Variants in NCKAP5 observed in about 807,000 individuals in gnomAD.
NCKAP5 encodes NCK associated protein 5.
In NCKAP5, 92 loss-of-function variants were observed where a neutral mutation model predicts 167.0. The ratio of observed to expected loss-of-function variants is 0.55; its 90% CI spans 0.47 to 0.66. NCKAP5 has a LOEUF of 0.66. NCKAP5 is among the 30% of genes least tolerant of loss of function. NCKAP5 has a pLI of 0.00. For missense variants in NCKAP5, 2,378 were observed against 2,315.0 expected (o/e 1.03, Z -0.56); for synonymous variants, 891 against 877.4 (o/e 1.02, Z -0.27).
chr2:132,756,583 A>T (rs1451863131), intron 16 of NCKAP5, among the ~76,000 whole-genome samples: 1 of 152,186 alleles, frequency 6.6e-6, no homozygotes, highest in Non-Finnish European at 1.5e-5. Context: ...GACTCAATTA[A>T]AACCCAGAAA....
chr2:133,000,056 A>G (rs544594530), intron 6 of NCKAP5, among the ~76,000 whole-genome samples: 2 of 152,306 alleles, frequency 1.3e-5, no homozygotes, highest in Admixed American at 1.3e-4. Context: ...GAAATTAACC[A>G]TGAAATTATT....
the NCKAP5 span, among the ~76,000 whole-genome samples, chr2:133,584,237 T>TA: frequency 2.6e-5 from 4 of 152,186 alleles, no homozygotes; most frequent in Non-Finnish European, 4.4e-5. Flanking sequence ...AATTTATTGC[T>TA]AAAAAATATT....
chr2:133,622,561 A>G, the NCKAP5 span, among the ~76,000 whole-genome samples: 24 of 151,958 alleles, frequency 1.6e-4, no homozygotes, highest in African/African-American at 5.8e-4. Context: ...AAACAAAAAC[A>G]AAAAGAAAAA....
the NCKAP5 span, among the ~76,000 whole-genome samples, chr2:133,580,389 G>A: frequency 6.6e-6 from 1 of 152,180 alleles, no homozygotes; most frequent in Non-Finnish European, 1.5e-5. Context: ...GTATTATTCA[G>A]ATGGCTGTGG....
chr2:132,771,592 C>T (rs1286615515), intron 16 of NCKAP5, among the ~76,000 whole-genome samples: 1 of 151,994 alleles, frequency 6.6e-6, no homozygotes, highest in Admixed American at 6.6e-5. Flanking sequence ...ATTCACTCAC[C>T]ACTCACTAAC....
chr2:133,511,569 G>A (rs1683497782), intron 3 of NCKAP5, among the ~76,000 whole-genome samples: 1 of 152,168 alleles, frequency 6.6e-6, no homozygotes, highest in Non-Finnish European at 1.5e-5. Flanking sequence ...TTTTGGAAAG[G>A]TTGCTAAACC....
chr2:132,989,222 A>G (rs1467747029), intron 7 of NCKAP5, among the ~76,000 whole-genome samples: 3 of 152,222 alleles, frequency 2.0e-5, no homozygotes, highest in Non-Finnish European at 2.9e-5. Flanking sequence ...ATTTTGGCAG[A>G]TGAATGTGAT....
intron 6 of NCKAP5, chr2:133,123,663 G>A (rs2082316800): frequency 2.4e-6 from 1 of 409,992 alleles, no homozygotes; most frequent in Non-Finnish European, 5.2e-6. Flanking sequence ...ACTCAGGAGA[G>A]CCAGCCTCTG....
intron 4 of NCKAP5, among the ~76,000 whole-genome samples, chr2:133,284,318 T>A (rs1012268107): frequency 6.6e-6 from 1 of 152,142 alleles, no homozygotes; most frequent in Non-Finnish European, 1.5e-5. Context: ...ATTAAGTTGA[T>A]GGAACTCTTT....
At chr2:133,405,444 T>A (rs367573473) in intron 3 of NCKAP5, among the ~76,000 whole-genome samples, 1 of 152,208 alleles carries the variant, frequency 6.6e-6, no homozygotes. Flanking sequence ...AGCACAAAAA[T>A]GTGAAAAATG....
At chr2:133,670,653 T>C in the NCKAP5 span, among the ~76,000 whole-genome samples, 1 of 152,194 alleles carries the variant, frequency 6.6e-6, no homozygotes, top group Admixed American at 6.5e-5. Flanking sequence ...CAGTAGATGA[T>C]GCAGGCAGAT....
chr2:133,156,712 T>TCTAACCTGCTTCCTTGCCTC (rs2083590648), intron 5 of NCKAP5, among the ~76,000 whole-genome samples: 1 of 152,154 alleles, frequency 6.6e-6, no homozygotes, highest in African/African-American at 2.4e-5. Context: ...GTATTAGCAT[T>TCTAACCTGCTTCCTTGCCTC]CTAACCTGCT....
At chr2:133,487,792 A>G (rs986796922) in intron 3 of NCKAP5, among the ~76,000 whole-genome samples, 7 of 152,332 alleles carry the variant, frequency 4.6e-5, no homozygotes, top group African/African-American at 1.7e-4. Context: ...CTACAGCAGT[A>G]GCACCCAGAA....
chr2:133,200,061 C>CTTTTTTTTTTTTTTTTTT (rs70973417), intron 5 of NCKAP5, among the ~76,000 whole-genome samples: 4 of 109,394 alleles, frequency 3.7e-5, no homozygotes, highest in Non-Finnish European at 5.3e-5. Context: ...TTTTTTCTTT[C>CTTTTTTTTTTTTTTTTTT]TTTTTTTTTT....
chr2:133,619,469 C>T, the NCKAP5 span, among the ~76,000 whole-genome samples: 1 of 151,610 alleles, frequency 6.6e-6, no homozygotes, highest in African/African-American at 2.4e-5. Flanking sequence ...AGCAATAGAT[C>T]GAACAAGCAG....
intron 2 of NCKAP5, among the ~76,000 whole-genome samples, chr2:133,526,905 T>A (rs1002092793): frequency 7.2e-5 from 11 of 152,196 alleles, no homozygotes; most frequent in Non-Finnish European, 1.3e-4. Context: ...AATATTTAGA[T>A]AAGTGGCTAG....
chr2:133,459,124 T>C (rs900720901), intron 3 of NCKAP5, among the ~76,000 whole-genome samples: 22 of 152,290 alleles, frequency 1.4e-4, no homozygotes, highest in African/African-American at 5.3e-4. Flanking sequence ...AAAGCCTTGG[T>C]CAATAGTTGT....
At chr2:132,820,047 A>G (rs1465456757) in intron 11 of NCKAP5, among the ~76,000 whole-genome samples, 3 of 152,184 alleles carry the variant, frequency 2.0e-5, no homozygotes, top group Non-Finnish European at 4.4e-5. Context: ...TTTATTCCCA[A>G]CAAATGTTAT....
intron 3 of NCKAP5, among the ~76,000 whole-genome samples, chr2:133,424,640 A>T (rs1250625422): frequency 6.6e-6 from 1 of 152,238 alleles, no homozygotes; most frequent in Non-Finnish European, 1.5e-5. Context: ...AAAAACCTAG[A>T]AGGATTTTAC....
Sources: allele counts gnomAD v4.1 joint callset (sites outside exome capture counted in the v4.1 genomes callset), GRCh38; gene constraint gnomAD v4.1.1; transcripts MANE v1.5; gene names NCBI Gene and HGNC (gene_info 2026-07-23, HGNC 2026-07-21).